The following NELL1 variants were observed in gnomAD, a reference collection of about 807,000 sequenced individuals.
NELL1 encodes protein kinase C-binding protein NELL1.
NELL1 carries 76 observed loss-of-function variants against 107.4 expected under a neutral mutation model. That is an observed-to-expected ratio of 0.71 (90% CI 0.59 to 0.86). The LOEUF (loss-of-function observed/expected upper bound fraction) is 0.86, where lower values mean the gene tolerates loss of function less well. Among genes scored for constraint, NELL1 ranks in the 40% least tolerant of loss-of-function variants. The probability of loss-of-function intolerance (pLI) is 0.00; values close to 1 mark genes in which losing one functional copy is unlikely to be tolerated. For synonymous variants in NELL1, 353 were observed against 341.2 expected (o/e 1.03, Z -0.38); for missense variants, 1,024 against 1,005.5 (o/e 1.02, Z -0.25).
chr11:21,008,348 A>T (rs1157110192), intron 12 of NELL1, among the ~76,000 whole-genome samples: 1 of 152,170 alleles, frequency 6.6e-6, no homozygotes, highest in South Asian at 2.1e-4. Flanking sequence ...TAGTAGAAAG[A>T]TTCAATGAAT....
chr11:21,112,814 C>T (rs1487243021), intron 12 of NELL1, among the ~76,000 whole-genome samples: 1 of 151,978 alleles, frequency 6.6e-6, no homozygotes, highest in East Asian at 1.9e-4. Context: ...GTACTCATGT[C>T]CTTCTTTCTC....
chr11:21,359,900 A>G (rs1304284536), intron 14 of NELL1, among the ~76,000 whole-genome samples: 1 of 152,036 alleles, frequency 6.6e-6, no homozygotes, highest in Non-Finnish European at 1.5e-5. Context: ...TAATATCACT[A>G]ATGTTCTATC....
chr11:20,698,763 C>T (rs1380501734), intron 2 of NELL1, among the ~76,000 whole-genome samples: 2 of 152,086 alleles, frequency 1.3e-5, no homozygotes, highest in African/African-American at 4.8e-5. Flanking sequence ...TACACTGTAC[C>T]TAATGTGTAG....
chr11:21,229,304 TTC>T, intron 13 of NELL1, 26 bp from the exon 14 acceptor site: 1 of 1,612,328 alleles, frequency 6.2e-7, no homozygotes, highest in Non-Finnish European at 8.5e-7. Context: ...GAAAAAGTAT[TTC>T]TCTTTTTCTC....
At chr11:21,386,323 A>G (rs1403677512) in intron 15 of NELL1, among the ~76,000 whole-genome samples, 1 of 151,886 alleles carries the variant, frequency 6.6e-6, no homozygotes, top group Non-Finnish European at 1.5e-5. Flanking sequence ...ATTATAGGAA[A>G]CATAAATGAG....
At chr11:21,263,093 T>G (rs904570228) in intron 14 of NELL1, among the ~76,000 whole-genome samples, 13 of 151,882 alleles carry the variant, frequency 8.6e-5, no homozygotes, top group Admixed American at 7.9e-4. Flanking sequence ...TTCATGAACA[T>G]GGTGTCCTTT....
intron 12 of NELL1, among the ~76,000 whole-genome samples, chr11:21,099,543 T>C (rs7110133): frequency 0.57 from 85,896 of 151,922 alleles, 25,677 homozygotes; most frequent in African/African-American, 0.76. Context: ...CAAAGCCCAG[T>C]AACCTGTCAA....
chr11:21,260,718 T>C (rs1316372411), intron 14 of NELL1: 1 of 151,824 alleles, frequency 6.6e-6, no homozygotes, highest in Non-Finnish European at 1.5e-5. Flanking sequence ...GTCTTGAGGG[T>C]TATTGAGGAG....
chr11:21,309,258 ATG>A (rs1450505486), intron 14 of NELL1, among the ~76,000 whole-genome samples: 1 of 45,384 alleles, frequency 2.2e-5, no homozygotes, highest in African/African-American at 8.0e-5. Flanking sequence ...AAATATATAT[ATG>A]TATATATATA....
At chr11:21,413,584 C>T (rs969754363) in intron 15 of NELL1, among the ~76,000 whole-genome samples, 4 of 152,000 alleles carry the variant, frequency 2.6e-5, no homozygotes, top group South Asian at 2.1e-4. Flanking sequence ...ACTAAGAATA[C>T]GGAAATAGGA....
chr11:20,694,252 A>C (rs1377150118), intron 2 of NELL1, among the ~76,000 whole-genome samples: 1 of 152,062 alleles, frequency 6.6e-6, no homozygotes, highest in African/African-American at 2.4e-5. Context: ...AGCTCGGAGT[A>C]GTTTGATCAT....
At chr11:21,377,095 G>GTGAT (rs1259176101) in intron 15 of NELL1, among the ~76,000 whole-genome samples, 1 of 152,036 alleles carries the variant, frequency 6.6e-6, no homozygotes, top group African/African-American at 2.4e-5. Flanking sequence ...AATAGGAGTG[G>GTGAT]TGAGAGTGAA....
intron 16 of NELL1, among the ~76,000 whole-genome samples, chr11:21,550,285 T>A (rs931849599): frequency 1.3e-5 from 2 of 152,110 alleles, no homozygotes; most frequent in Admixed American, 1.3e-4. Flanking sequence ...TCCCATTTTG[T>A]AGGTTGCCTG....
chr11:20,774,542 A>C (rs1012871195), intron 2 of NELL1, among the ~76,000 whole-genome samples: 2 of 79,688 alleles, frequency 2.5e-5, no homozygotes, highest in African/African-American at 5.5e-5. Flanking sequence ...TACTTTTCTT[A>C]TATCTCTGAA....
At chr11:20,700,868 A>G (rs1194523402) in intron 2 of NELL1, among the ~76,000 whole-genome samples, 1 of 152,318 alleles carries the variant, frequency 6.6e-6, no homozygotes, top group South Asian at 2.1e-4. Context: ...CTAGTATTCC[A>G]TGGTGTATAT....
chr11:20,843,350 G>A (rs1356244052), intron 3 of NELL1, among the ~76,000 whole-genome samples: 1 of 152,112 alleles, frequency 6.6e-6, no homozygotes, highest in African/African-American at 2.4e-5. Flanking sequence ...CTCTTTGGGT[G>A]TGATATATTT....
At chr11:21,242,079 C>T (rs1858377162) in intron 14 of NELL1, among the ~76,000 whole-genome samples, 1 of 151,906 alleles carries the variant, frequency 6.6e-6, no homozygotes, top group South Asian at 2.1e-4. Context: ...TCACTCTCAG[C>T]TCCTAAGTGA....
At chr11:21,195,938 A>G (rs1046960754) in intron 13 of NELL1, among the ~76,000 whole-genome samples, 3 of 152,166 alleles carry the variant, frequency 2.0e-5, no homozygotes, top group African/African-American at 7.2e-5. Flanking sequence ...ATGAAGTGTT[A>G]TTACCTCCCA....
At chr11:21,022,784 A>T (rs1016162401) in intron 12 of NELL1, among the ~76,000 whole-genome samples, 1 of 152,176 alleles carries the variant, frequency 6.6e-6, no homozygotes, top group Non-Finnish European at 1.5e-5. Context: ...ACACAAAGTT[A>T]TCATAAGGGT....
Sources: allele counts gnomAD v4.1 joint callset (sites outside exome capture counted in the v4.1 genomes callset), GRCh38; gene constraint gnomAD v4.1.1; transcripts MANE v1.5; gene names NCBI Gene and HGNC (gene_info 2026-07-23, HGNC 2026-07-21).